SUPT16H: variants seen among roughly 807,000 people sequenced by gnomAD.
SUPT16H encodes FACT complex subunit SPT16.
In SUPT16H, 24 loss-of-function variants were observed where a neutral mutation model predicts 136.2. That is an observed-to-expected ratio of 0.18 (90% CI 0.13 to 0.25). SUPT16H has a LOEUF of 0.25. SUPT16H is among the 10% of genes least tolerant of loss of function. SUPT16H has a pLI of 1.00. For synonymous variants in SUPT16H, 415 were observed against 428.2 expected, an observed-to-expected ratio of 0.97 and a Z score of 0.38; for missense variants, 623 against 1,270.2, an observed-to-expected ratio of 0.49 and a Z score of 7.74.
At position 21,383,549 on chromosome 14, in the gene SUPT16H, T is replaced by A. The variant is rs1255413789; in HGVS notation, c.66+313A>T. The A allele has an allele frequency of 4.5e-6, 3 of 672,620 alleles. No homozygotes were observed. The Admixed American group carries it at 6.6e-5, about 15-fold the overall frequency. The allele number at this position is 672,620 out of a possible 1,614,324, so 41.7% of individuals were successfully genotyped here. On this transcript the variant is annotated intron_variant, in intron 1 of 25. Coordinates refer to ENST00000216297, the MANE Select transcript of SUPT16H (RefSeq NM_007192.4). ...CACGGCAGGGGAGGGCAGCAAGACGTGACCACGGAGTAGGAGGGAAGGATG... is the reference window on the plus strand; with the variant it reads ...CACGGCAGGGGAGGGCAGCAAGACGAGACCACGGAGTAGGAGGGAAGGATG...
chr14:21,376,597 A>G (rs1255314761), intron 1 of SUPT16H, among the ~76,000 whole-genome samples: 1 of 152,174 alleles, frequency 6.6e-6, no homozygotes, highest in Non-Finnish European at 1.5e-5. Context: ...AAGTTTTACC[A>G]TTAGTTCTCA....
At chr14:21,354,225 T>G (rs1886380841) in intron 23 of SUPT16H, among the ~76,000 whole-genome samples, 186 bp downstream of exon 23, 1 of 152,190 alleles carries the variant, frequency 6.6e-6, no homozygotes, top group Admixed American at 6.5e-5. Flanking sequence ...TTCCAAGAAA[T>G]CTTGTCAGGA....
At chr14:21,353,145 C>T (rs1242713970) in intron 25 of SUPT16H, among the ~76,000 whole-genome samples, 1 of 152,042 alleles carries the variant, frequency 6.6e-6, no homozygotes, top group Non-Finnish European at 1.5e-5. Context: ...TGGAAGAAGC[C>T]TAGAAAATTA....
Position 21,353,683 on chromosome 14 carries a change from C to G in SUPT16H, c.2920+20G>C. On this transcript the variant is annotated intron_variant, in intron 24 of 25. Transcript: ENST00000216297. The stretch of plus-strand genomic sequence containing the variant: ...CATTAGATTAGGAAGCCAGGACGAA[C>G]TTTGCTCTGTAAGACTAACCTGACT... The G allele has an allele frequency of 6.2e-7, 1 of 1,608,866 alleles. No individual in the cohort carries two copies. Among genetic ancestry groups the G allele is most frequent in the Non-Finnish European group, 8.5e-7 (1 of 1,177,940 alleles).
rs1264683312 is a variant in SUPT16H, at chr14:21,352,796, C to T, written c.3021G>A (p.Glu1007=). The change falls in exon 26 of 26, where the codon GAG becomes GAA. Residue 1007 remains glutamate, a synonymous_variant. Transcript: ENST00000216297. ...TACTTCGACTTTGTTCTTCTTCTTC[C>T]TCGTAACGACTTTCTCGGTCCGCTA... ...ARKADRESRY[E]EEEEQSRSMS... is the part of the protein sequence containing the mutation. 1.2e-5 allele frequency: 20 copies of T among 1,613,862 alleles called. No homozygotes were observed. Among genetic ancestry groups the T allele is most frequent in the Non-Finnish European group, 1.7e-5 (20 of 1,180,010 alleles).
Position 21,351,921 on chromosome 14 carries a change from A to C in SUPT16H, c.*752T>G, listed in dbSNP as rs1371159873. 1 of 152,782 alleles carries C rather than the reference A, an allele frequency of 6.5e-6. No homozygotes were observed. The highest frequency in any genetic ancestry group is 2.4e-5 in the African/African-American group (1 of 41,460). 9.5% of individuals were successfully genotyped at this position (152,782 alleles called of 1,614,324 possible). A position where few individuals can be genotyped will look rare whatever the true frequency, so the allele number is the denominator to read the frequency against. On this transcript the variant is annotated 3_prime_UTR_variant, in exon 26 of 26. Coordinates refer to ENST00000216297, the MANE Select transcript of SUPT16H (RefSeq NM_007192.4). ...CTCTACATTTCACTAGAAGCGGTAC[A>C]TGAGGCACAACCTGATATATCTTCC...
chr14:21,362,441 ATCT>A (rs1886576687), intron 14 of SUPT16H, 117 bp from the exon 15 acceptor site: 1 of 970,530 alleles, frequency 1.0e-6, no homozygotes, highest in Non-Finnish European at 1.4e-6. Context: ...CTTAATCTAA[ATCT>A]AATAAATTTA....
chr14:21,372,315 C>T (rs962693832), intron 2 of SUPT16H: 5 of 383,628 alleles, frequency 1.3e-5, no homozygotes, highest in African/African-American at 8.3e-5. Context: ...ATCAGTTAAA[C>T]GATTTGTGTT....
Position 21,369,846 on chromosome 14 carries a change from C to G in SUPT16H, c.534G>C (p.Gly178=). The change falls in exon 5 of 26, where the codon GGG becomes GGC. Residue 178 remains glycine, a synonymous_variant. Coordinates refer to ENST00000216297, the MANE Select transcript of SUPT16H (RefSeq NM_007192.4). The part of the protein sequence containing the change: ...VAYTIAVKED[G]ELNLMKKAAS... ...CTGCTTTCTTCATTAGGTTGAGCTC[C>G]CCATCCTCCTTTACAGCGATGGTAT... 1 of 1,614,146 alleles carries G rather than the reference C, an allele frequency of 6.2e-7. No homozygotes were observed. Among genetic ancestry groups the G allele is most frequent in the South Asian group, 1.1e-5 (1 of 91,084 alleles).
chr14:21,366,394 TA>T (rs1886667555), intron 8 of SUPT16H, 44 bp downstream of exon 8: 5 of 1,572,756 alleles, frequency 3.2e-6, no homozygotes, highest in Non-Finnish European at 4.4e-6. Context: ...ACTGACAGTC[TA>T]ACTGAAAACT....
intron 3 of SUPT16H, among the ~76,000 whole-genome samples, chr14:21,370,942 A>G (rs980195965): frequency 3.9e-5 from 6 of 151,986 alleles, no homozygotes; most frequent in Non-Finnish European, 8.8e-5. Context: ...TGCCCGGCTA[A>G]TTTTTTATAT....
chr14:21,355,751 G>A (rs1886419967), intron 22 of SUPT16H, among the ~76,000 whole-genome samples: 2 of 151,628 alleles, frequency 1.3e-5, no homozygotes, highest in African/African-American at 2.4e-5. Flanking sequence ...GAGTGGGTAA[G>A]AAGAAAAAAA....
At chr14:21,372,234 G>A in intron 2 of SUPT16H, 190 bp from the exon 3 acceptor site, 1 of 562,646 alleles carries the variant, frequency 1.8e-6, no homozygotes, top group Non-Finnish European at 3.1e-6. Flanking sequence ...TATTAGAACA[G>A]GACAATGGGG....
At chr14:21,382,741 G>A (rs953106246) in intron 1 of SUPT16H, among the ~76,000 whole-genome samples, 2 of 152,060 alleles carry the variant, frequency 1.3e-5, no homozygotes, top group African/African-American at 4.8e-5. Flanking sequence ...AAAATAAAAT[G>A]TTCAGTATTC....
At chr14:21,372,753 C>T (rs1032264910) in intron 2 of SUPT16H, 3 of 418,272 alleles carry the variant, frequency 7.2e-6, no homozygotes, top group African/African-American at 6.3e-5. Context: ...GTTTAACTCA[C>T]TGTTACTTAG....
Position 21,351,765 on chromosome 14 carries a change from G to C in SUPT16H, c.*908C>G, listed in dbSNP as rs1311441464. Reference sequence around the variant, plus strand: ...ACAATGCAAGACAAAGTTAAAATAAGGAGCAGCAGTGCCGAGAGGCTGTGT... The same window carrying C: ...ACAATGCAAGACAAAGTTAAAATAACGAGCAGCAGTGCCGAGAGGCTGTGT... On this transcript the variant is annotated 3_prime_UTR_variant, in exon 26 of 26. Coordinates refer to ENST00000216297, the MANE Select transcript of SUPT16H (RefSeq NM_007192.4). 6.5e-6 allele frequency: 1 copy of C among 152,946 alleles called. No individual in the cohort carries two copies. Among genetic ancestry groups the C allele is most frequent in the Non-Finnish European group, 1.5e-5 (1 of 68,294 alleles). The allele number at this position is 152,946 out of a possible 1,614,324, so 9.5% of individuals were successfully genotyped here.
intron 7 of SUPT16H, among the ~76,000 whole-genome samples, chr14:21,367,603 G>A (rs1886699044): frequency 6.6e-6 from 1 of 152,168 alleles, no homozygotes; most frequent in African/African-American, 2.4e-5. Context: ...AGTATCCTTC[G>A]TATCGTTTTG....
rs145169068 is a variant in SUPT16H at position 21,352,614 on chromosome 14, T to C, written c.*59A>G. 230 of 1,607,572 alleles carry C rather than the reference T, an allele frequency of 1.4e-4. No homozygotes were observed. The East Asian group carries it at 5.0e-3, about 35-fold the overall frequency. On this transcript the variant is annotated 3_prime_UTR_variant, in exon 26 of 26. Coordinates refer to ENST00000216297, the MANE Select transcript of SUPT16H (RefSeq NM_007192.4). ...AAGGAAAAATACAGTTTCTATGTCATGTAAAATTTTCAGGGGTTGGCTGGA... is the reference window on the plus strand; with the variant it reads ...AAGGAAAAATACAGTTTCTATGTCACGTAAAATTTTCAGGGGTTGGCTGGA...
At chr14:21,364,137 T>G (rs375063355) in intron 10 of SUPT16H, among the ~76,000 whole-genome samples, 1 of 152,212 alleles carries the variant, frequency 6.6e-6, no homozygotes, top group East Asian at 1.9e-4. Context: ...GAGTATCTAC[T>G]TCACAAGGTA....
Sources: allele counts gnomAD v4.1 joint callset (sites outside exome capture counted in the v4.1 genomes callset), GRCh38; gene constraint gnomAD v4.1.1; transcripts MANE v1.5; gene names NCBI Gene and HGNC (gene_info 2026-07-23, HGNC 2026-07-21).